Variants in TMC5 observed in about 807,000 individuals in gnomAD.
TMC5 encodes the protein transmembrane channel-like protein 5.
Under a neutral mutation model 110.5 loss-of-function variants are expected in TMC5, and 86 were observed. The ratio of observed to expected loss-of-function variants is 0.78; its 90% CI spans 0.65 to 0.93. The LOEUF (loss-of-function observed/expected upper bound fraction) is 0.93, where lower values mean the gene tolerates loss of function less well. Among genes scored for constraint, TMC5 ranks in the 40% least tolerant of loss-of-function variants. The pLI, the probability that TMC5 is intolerant of heterozygous loss-of-function variation, is 0.00. For missense variants in TMC5, 1,144 were observed against 1,222.8 expected, an observed-to-expected ratio of 0.94 and a Z score of 0.96; for synonymous variants, 455 against 439.5, an observed-to-expected ratio of 1.04 and a Z score of -0.44.
chr16:19,443,952 GATGGATAA>G, intron 3 of TMC5, 121 bp from the exon 4 acceptor site: 2 of 912,434 alleles, frequency 2.2e-6, no homozygotes, highest in East Asian at 2.5e-5. Context: ...TGGATGGATG[GATGGATAA>G]ATGGATGGAT....
chr16:19,439,384 A>G (rs142463801), intron 2 of TMC5, among the ~76,000 whole-genome samples: 148 of 152,328 alleles, frequency 9.7e-4, no homozygotes, highest in Non-Finnish European at 9.8e-4. Flanking sequence ...AGTGTAATCA[A>G]AAAGCACAAA....
rs749122486 is a variant in TMC5 at position 19,440,364 on chromosome 16, A to T, written c.326A>T (p.Asp109Val). 3.1e-6 allele frequency: 5 copies of T among 1,613,966 alleles called. No individual in the cohort carries two copies. The highest frequency in any genetic ancestry group is 4.2e-6 in the Non-Finnish European group (5 of 1,180,046). Residue 109 changes from aspartate (D) to valine (V), a missense_variant, in exon 3 of 22, where the codon GAT becomes GTT. Transcript: ENST00000542583. ...CATCCTACCTCTCTACCAGAGCCAG[A>T]TTATAGTGAATTTCAGAGTCATCCC... is the stretch of plus-strand genomic sequence containing the variant. ...PDHPTSLPEP[D>V]YSEFQSHPYH...
rs61737709 is a variant in TMC5 at position 19,463,777 on chromosome 16, C to A, written c.1238C>A (p.Ala413Asp). ...CIQCLNSISR[A>D]YRRSKNSLSE... is the part of the protein sequence containing the mutation. ...ACCTGCTTTGAATCCTGATTCCAGG[C>A]TTATCGGAGATCCAAGAACAGCCTG... The change falls in exon 8 of 22, where the codon GCT becomes GAT. Residue 413 changes from alanine to aspartate, a missense_variant and splice_region_variant. Transcript: ENST00000542583. 82,540 of 1,613,562 alleles carry A rather than the reference C, an allele frequency of 0.051. 2,855 individuals carry two copies. The highest frequency in any genetic ancestry group is 0.17 in the East Asian group (7,525 of 44,866).
At position 19,465,045 on chromosome 16, in the gene TMC5, TTCTTTCTTTCTTTTCCTTCCTTCCTTCC is replaced by T. The variant is rs1289749313; in HGVS notation, c.1485+1023_1486-1008del. Among the ~76,000 whole-genome samples the T allele has an allele frequency of 1.6e-3, 177 of 108,060 alleles. 1 individual carries two copies. The highest frequency in any genetic ancestry group is 5.8e-3 in the African/African-American group (137 of 23,480). The allele number at this position is 108,060 out of a possible 152,430, so 70.9% of individuals were successfully genotyped here. The stretch of plus-strand genomic sequence containing the variant: ...TTTCTTTCTTTCTTTCTTTCTTTCT[TTCTTTCTTTCTTTTCCTTCCTTCCTTCC>T]TTCCTTCCTTCCTTCCTTCCTTCCT... On this transcript the variant is annotated intron_variant, in intron 8 of 21. Transcript: ENST00000542583.
At chr16:19,495,011 C>CTTTTTTTTTTTTTTTTTTTT (rs56178955) in intron 20 of TMC5, among the ~76,000 whole-genome samples, 1 of 40,512 alleles carries the variant, frequency 2.5e-5, no homozygotes, top group Admixed American at 2.4e-4. Context: ...AGTGTCTATT[C>CTTTTTTTTTTTTTTTTTTTT]TTTTTTTTTT....
chr16:19,497,196 T>G, intron 21 of TMC5, 33 bp downstream of exon 21: 2 of 1,596,374 alleles, frequency 1.3e-6, no homozygotes, highest in Non-Finnish European at 1.7e-6. Context: ...AATAAGACAC[T>G]AATTTATTTC....
chr16:19,484,316 T>C (rs1049905321), intron 15 of TMC5, among the ~76,000 whole-genome samples: 2 of 152,196 alleles, frequency 1.3e-5, no homozygotes, highest in African/African-American at 2.4e-5. Flanking sequence ...TGTGTTTGCA[T>C]GCTGCTAGAT....
At chr16:19,432,674 T>G (rs748650931) in intron 2 of TMC5, among the ~76,000 whole-genome samples, 1 of 152,236 alleles carries the variant, frequency 6.6e-6, no homozygotes, top group Non-Finnish European at 1.5e-5. Context: ...TTTGTTGCAG[T>G]GCAGGTGGTA....
intron 19 of TMC5, among the ~76,000 whole-genome samples, chr16:19,492,951 ACTTT>A (rs1555486847): frequency 3.4e-5 from 2 of 59,074 alleles, no homozygotes; most frequent in African/African-American, 4.6e-5. Flanking sequence ...TAAGATAAAT[ACTTT>A]TATTTCATTT....
chr16:19,496,666 C>T (rs1382048654), intron 20 of TMC5, among the ~76,000 whole-genome samples: 1 of 151,914 alleles, frequency 6.6e-6, no homozygotes, highest in East Asian at 1.9e-4. Context: ...GGACAGATCA[C>T]TTGAGGTCAG....
At chr16:19,436,663 A>T (rs1237897611) in intron 2 of TMC5, among the ~76,000 whole-genome samples, 1 of 152,178 alleles carries the variant, frequency 6.6e-6, no homozygotes, top group Non-Finnish European at 1.5e-5. Context: ...CAGACACCCA[A>T]CTCAAACCAG....
At chr16:19,456,955 C>A in intron 5 of TMC5, 1 of 1,614,118 alleles carries the variant, frequency 6.2e-7, no homozygotes, top group Non-Finnish European at 8.5e-7. Flanking sequence ...TGTCTCAGAC[C>A]CTTCATAGCC....
intron 4 of TMC5, among the ~76,000 whole-genome samples, chr16:19,449,103 G>A (rs35192636): frequency 0.53 from 80,185 of 151,564 alleles, 25,007 homozygotes; most frequent in East Asian, 0.71. Flanking sequence ...CACCTGTCTC[G>A]GCCTCCCAAA....
chr16:19,442,036 G>C (rs9788935), intron 3 of TMC5, among the ~76,000 whole-genome samples: 110,516 of 152,110 alleles, frequency 0.73, 40,792 homozygotes, highest in South Asian at 0.89. Flanking sequence ...CTCCCAATCT[G>C]AGGTGATCCA....
intron 5 of TMC5, among the ~76,000 whole-genome samples, chr16:19,449,935 A>T (rs1041741577): frequency 3.3e-5 from 5 of 152,184 alleles, no homozygotes; most frequent in African/African-American, 1.2e-4. Context: ...AAGACAATTA[A>T]ACCTCTTTTG....
chr16:19,490,608 G>A, intron 18 of TMC5, 40 bp downstream of exon 18: 1 of 1,608,376 alleles, frequency 6.2e-7, no homozygotes, highest in Non-Finnish European at 8.5e-7. Context: ...GGAAAGCCAG[G>A]AGCTCTCGAG....
At position 19,492,213 on chromosome 16, in the gene TMC5, T is replaced by G. The variant is rs1003506559; in HGVS notation, c.2811T>G (p.His937Gln). Residue 937 changes from histidine to glutamine, a missense_variant, in exon 19 of 22, where the codon CAT becomes CAG. By Grantham distance (24) the His-to-Gln change is conservative. Transcript: ENST00000542583. ...EGRKIMIRLL[H>Q]EQIINEGKDK... ...GGAAGATTATGATAAGGCTGCTCCA[T>G]GAGCAGATCATTAATGTAAGTCCCC... 3.1e-6 allele frequency: 5 copies of G among 1,612,894 alleles called. No homozygotes were observed. Among genetic ancestry groups the G allele is most frequent in the East Asian group, 2.2e-5 (1 of 44,876 alleles).
chr16:19,413,087 T>A (rs960733715), upstream of TMC5, among the ~76,000 whole-genome samples: 13 of 151,972 alleles, frequency 8.6e-5, no homozygotes, highest in African/African-American at 3.1e-4. Flanking sequence ...CAAGCAATCA[T>A]CCTGCCTCAG....
chr16:19,457,709 CTTT>C (rs573979829), intron 5 of TMC5, among the ~76,000 whole-genome samples: 237 of 43,772 alleles, frequency 5.4e-3, no homozygotes, highest in African/African-American at 0.011. Flanking sequence ...AGACTACATT[CTTT>C]TTTTTTTTTT....
Sources: allele counts gnomAD v4.1 joint callset (sites outside exome capture counted in the v4.1 genomes callset), GRCh38; gene constraint gnomAD v4.1.1; transcripts MANE v1.5; gene names NCBI Gene and HGNC (gene_info 2026-07-23, HGNC 2026-07-21).